GCG: variants seen among roughly 807,000 people sequenced by gnomAD.
GCG encodes the protein glucagon, also known as pro-glucagon.
Under a neutral mutation model 22.8 loss-of-function variants are expected in GCG, and 11 were observed. That is an observed-to-expected ratio of 0.48 (90% CI 0.30 to 0.80). GCG has a LOEUF of 0.80. GCG is among the 30% of genes least tolerant of loss of function. GCG has a pLI of 0.06. For synonymous variants in GCG, 89 were observed against 72.4 expected, an observed-to-expected ratio of 1.23 and a Z score of -1.16; for missense variants, 222 against 222.0, an observed-to-expected ratio of 1.00 and a Z score of 0.00.
At chr2:162,144,197 G>A (rs765350028) in intron 4 of GCG, 27 bp from the exon 5 acceptor site, 84 of 1,573,088 alleles carry the variant, frequency 5.3e-5, no homozygotes, top group Middle Eastern at 3.3e-4. Context: ...TAAAATTAGC[G>A]TTTGATTAGA....
At chr2:162,143,949 G>A in intron 5 of GCG, 78 bp downstream of exon 5, 1 of 1,235,772 alleles carries the variant, frequency 8.1e-7, no homozygotes, top group Non-Finnish European at 1.2e-6. Context: ...CCCCTACATG[G>A]GGAACAGCTT....
chr2:162,147,384 C>T lies in GCG; in HGVS notation c.223G>A (p.Val75Met), dbSNP rs781139454. 6.2e-6 allele frequency: 10 copies of T among 1,613,156 alleles called. No homozygotes were observed. The highest frequency in any genetic ancestry group is 1.3e-5 in the African/African-American group (1 of 74,860). Residue 75 changes from valine (V) to methionine (M), a missense_variant, in exon 3 of 6, where the codon GTG becomes ATG. Transcript: ENST00000418842. ...CTCTTGGTATTCATCAACCACTGCA[C>T]AAAATCTTGGGCACGCCTGGAGTCC... ...YLDSRRAQDF[V>M]QWLMNTKRNR...
intron 1 of GCG, 34 bp from the exon 2 acceptor site, chr2:162,149,221 G>A: frequency 8.5e-7 from 1 of 1,175,716 alleles, no homozygotes; most frequent in East Asian, 2.4e-5. Flanking sequence ...AGGGTGAGGG[G>A]GGCAGGCAAG....
In GCG at chr2:162,151,085, T is replaced by G. The variant is rs551354585; in HGVS notation, c.-10+1073A>C. ...GTAGAGATTTATGTTATTTTAGTAT[T>G]AAAATCTTATTCAATAAGAAAATAA... is the stretch of plus-strand genomic sequence containing the variant. On this transcript the variant is annotated intron_variant, in intron 1 of 5. Coordinates refer to ENST00000418842, the MANE Select transcript of GCG (RefSeq NM_002054.5). 5.1e-4 allele frequency among the ~76,000 whole-genome samples: 77 copies of G among 152,238 alleles called. 1 individual carries two copies. Among genetic ancestry groups the G allele is most frequent in the Middle Eastern group, 3.4e-3 (1 of 294 alleles).
At chr2:162,150,089 T>C (rs1015560148) in intron 1 of GCG, among the ~76,000 whole-genome samples, 1 of 152,082 alleles carries the variant, frequency 6.6e-6, no homozygotes, top group African/African-American at 2.4e-5. Context: ...ATGTTAAGGA[T>C]GTGATGATGC....
intron 4 of GCG, 37 bp from the exon 5 acceptor site, chr2:162,144,207 A>G (rs763229183): frequency 1.1e-5 from 17 of 1,490,992 alleles, no homozygotes; most frequent in Non-Finnish European, 2.8e-6. Flanking sequence ...GTTTGATTAG[A>G]TATTTTCAAT....
chr2:162,148,321 T>C (rs1001564827), intron 2 of GCG, among the ~76,000 whole-genome samples: 3 of 152,022 alleles, frequency 2.0e-5, no homozygotes, highest in East Asian at 1.9e-4. Flanking sequence ...TGCAAAAAAA[T>C]AGTAAGAAAT....
Position 162,145,661 on chromosome 2 carries a change from G to T in GCG, c.271C>A (p.Arg91Ser). 2.5e-6 allele frequency: 4 copies of T among 1,609,654 alleles called. No individual in the cohort carries two copies. Among genetic ancestry groups the T allele is most frequent in the Non-Finnish European group, 3.4e-6 (4 of 1,177,862 alleles). Residue 91 changes from arginine to serine, a missense_variant, in exon 4 of 6, where the codon CGT becomes AGT. Physicochemically the swap from Arg to Ser is moderately radical, Grantham distance 110 (BLOSUM62 -1). Coordinates refer to ENST00000418842, the MANE Select transcript of GCG (RefSeq NM_002054.5). Reference protein sequence around the residue: ...TKRNRNNIAKRHDEFERHAEG... With the variant: ...TKRNRNNIAKSHDEFERHAEG... ...GCATGTCTCTCAAATTCATCGTGACGTTTGGCAATGTTATTCCTGAAAGAA... is the reference window on the plus strand; with the variant it reads ...GCATGTCTCTCAAATTCATCGTGACTTTTGGCAATGTTATTCCTGAAAGAA...
intron 1 of GCG, 80 bp downstream of exon 1, chr2:162,152,078 T>G (rs991283735): frequency 8.5e-5 from 13 of 152,580 alleles, no homozygotes; most frequent in African/African-American, 3.1e-4. Flanking sequence ...AAGAACAACA[T>G]TTTAATTTAT....
At chr2:162,144,490 T>TATCCTATTTATAGGATA in intron 4 of GCG, 1 of 238,000 alleles carries the variant, frequency 4.2e-6, no homozygotes, top group Admixed American at 5.0e-5. Context: ...TTCAACTAAA[T>TATCCTATTTATAGGATA]ATATCATATC....
At chr2:162,143,497 C>G in intron 5 of GCG, 127 bp from the exon 6 acceptor site, 1 of 474,814 alleles carries the variant, frequency 2.1e-6, no homozygotes, top group Non-Finnish European at 3.8e-6. Context: ...TCCATAAATC[C>G]CTCCATCCTT....
intron 4 of GCG, 64 bp from the exon 5 acceptor site, chr2:162,144,234 T>C: frequency 2.4e-6 from 3 of 1,253,254 alleles, no homozygotes; most frequent in South Asian, 1.2e-5. Flanking sequence ...TCACAGATTG[T>C]CTACCACTGG....
chr2:162,147,527 G>C lies in GCG; in HGVS notation c.93-13C>G, dbSNP rs773586493. 6.2e-7 allele frequency: 1 copy of C among 1,611,808 alleles called. No homozygotes were observed. Among genetic ancestry groups the C allele is most frequent in the South Asian group, 1.1e-5 (1 of 91,046 alleles). Reference sequence around the variant, plus strand: ...AGCTGAGAATGATCTGTGAAGAACAGTGATTGGTACAACATAAATCTCTCC... The same window carrying C: ...AGCTGAGAATGATCTGTGAAGAACACTGATTGGTACAACATAAATCTCTCC... On this transcript the variant is annotated splice_polypyrimidine_tract_variant and intron_variant, in intron 2 of 5. Transcript: ENST00000418842.
intron 5 of GCG, 47 bp from the exon 6 acceptor site, chr2:162,143,417 G>T (rs765297547): frequency 1.4e-6 from 1 of 736,826 alleles, no homozygotes; most frequent in Non-Finnish European, 2.3e-6. Flanking sequence ...ATAATAAGAT[G>T]ATATCATTAA....
Position 162,143,249 on chromosome 2 carries a change from A to C in GCG, c.*115T>G, listed in dbSNP as rs1304189123. 2.2e-6 allele frequency: 1 copy of C among 454,306 alleles called. No homozygotes were observed. Among genetic ancestry groups the C allele is most frequent in the Admixed American group, 4.1e-5 (1 of 24,282 alleles). 28.1% of individuals were successfully genotyped at this position (454,306 alleles called of 1,614,324 possible). ...ACTAAAAGAAAATTTATTTATTGGC[A>C]TGCAAAGCAATGTGGCCTCAGAATA... On this transcript the variant is annotated 3_prime_UTR_variant, in exon 6 of 6. Coordinates refer to ENST00000418842, the MANE Select transcript of GCG (RefSeq NM_002054.5).
At chr2:162,150,910 G>A (rs4664448) in intron 1 of GCG, among the ~76,000 whole-genome samples, 10,590 of 151,886 alleles carry the variant, frequency 0.07, 927 homozygotes, top group Admixed American at 0.25. Context: ...AGAAGTGAGC[G>A]TTCCGTATCT....
Position 162,143,374 on chromosome 2 carries a change from G to T in GCG, c.537-4C>A. The T allele has an allele frequency of 8.8e-7, 1 of 1,140,678 alleles. No homozygotes were observed. The highest frequency in any genetic ancestry group is 2.6e-5 in the East Asian group (1 of 38,176). The allele number at this position is 1,140,678 out of a possible 1,614,324, so 70.7% of individuals were successfully genotyped here. On this transcript the variant is annotated splice_polypyrimidine_tract_variant and splice_region_variant and intron_variant, in intron 5 of 5. Coordinates refer to ENST00000418842, the MANE Select transcript of GCG (RefSeq NM_002054.5). ...TGAATAGTGATATAGTTATTTCCTA[G>T]AGATTAAAAAAAGAAAATGATTTAA... is the stretch of plus-strand genomic sequence containing the variant.
intron 3 of GCG, among the ~76,000 whole-genome samples, chr2:162,147,134 A>G (rs1377570027): frequency 6.6e-6 from 1 of 152,164 alleles, no homozygotes; most frequent in Admixed American, 6.5e-5. Flanking sequence ...TTTAAAGGCT[A>G]TGTCACACTG....
intron 3 of GCG, among the ~76,000 whole-genome samples, chr2:162,145,984 T>G (rs1166664585): frequency 3.3e-5 from 5 of 152,222 alleles, no homozygotes; most frequent in Admixed American, 3.3e-4. Context: ...TCAGTCTCAA[T>G]GGATACAGGC....
Sources: allele counts gnomAD v4.1 joint callset (sites outside exome capture counted in the v4.1 genomes callset), GRCh38; gene constraint gnomAD v4.1.1; transcripts MANE v1.5; gene names NCBI Gene and HGNC (gene_info 2026-07-23, HGNC 2026-07-21).